Variants in FFAR4 observed in about 807,000 individuals in gnomAD.
FFAR4 encodes G-protein coupled receptor 120.
A neutral mutation model predicts 27.0 loss-of-function variants in FFAR4; 19 were observed. The observed-to-expected ratio is 0.70, with a 90% confidence interval of 0.49 to 1.03. The LOEUF (loss-of-function observed/expected upper bound fraction) is 1.03, where lower values mean the gene tolerates loss of function less well. Ranked by LOEUF, FFAR4 falls within the 50% of genes least tolerant of loss-of-function variation. The pLI is 0.00. For missense variants in FFAR4, 476 were observed against 479.0 expected (o/e 0.99, Z 0.06); for synonymous variants, 254 against 215.6 (o/e 1.18, Z -1.56).
At chr10:93,579,113 C>T (rs2058183978) in intron 2 of FFAR4, 2 of 1,581,020 alleles carry the variant, frequency 1.3e-6, no homozygotes, top group South Asian at 1.1e-5. Context: ...TCTCGAAGCA[C>T]CTTGTGTCTA....
chr10:93,579,514 ATCTCCAAT>A (rs1244591306), intron 2 of FFAR4, among the ~76,000 whole-genome samples: 9 of 152,172 alleles, frequency 5.9e-5, no homozygotes, highest in Non-Finnish European at 1.3e-4. Flanking sequence ...CTTCCCATCA[ATCTCCAAT>A]TCCTTATCCT....
chr10:93,586,342 T>C (rs1001399927), intron 2 of FFAR4, among the ~76,000 whole-genome samples: 6 of 152,166 alleles, frequency 3.9e-5, no homozygotes, highest in African/African-American at 1.4e-4. Flanking sequence ...CTTCCCCTTC[T>C]GCCATGATTG....
intron 1 of FFAR4, among the ~76,000 whole-genome samples, chr10:93,569,582 C>A (rs2058120499): frequency 1.3e-5 from 2 of 152,034 alleles, no homozygotes; most frequent in Admixed American, 1.3e-4. Context: ...GGCACACAGA[C>A]CTCCTTTGTT....
At chr10:93,572,840 G>C (rs578039679) in intron 1 of FFAR4, among the ~76,000 whole-genome samples, 1 of 152,204 alleles carries the variant, frequency 6.6e-6, no homozygotes, top group African/African-American at 2.4e-5. Flanking sequence ...GCTGAAAAGA[G>C]TAGATTGGAG....
chr10:93,567,820 C>A (rs911583521), intron 1 of FFAR4, among the ~76,000 whole-genome samples: 1 of 152,108 alleles, frequency 6.6e-6, no homozygotes, highest in Non-Finnish European at 1.5e-5. Context: ...GCTTTGAAAG[C>A]GCGCGGACAG....
intron 2 of FFAR4, among the ~76,000 whole-genome samples, chr10:93,580,015 G>C (rs895440222): frequency 6.6e-5 from 10 of 152,214 alleles, no homozygotes; most frequent in African/African-American, 2.2e-4. Flanking sequence ...AAAATCCACT[G>C]TTGCCCATTT....
chr10:93,567,159 G>A lies in FFAR4; in HGVS notation c.439G>A (p.Val147Met), dbSNP rs765695327. 10 of 1,605,086 alleles carry A rather than the reference G, an allele frequency of 6.2e-6. No individual in the cohort carries two copies. In the East Asian group the frequency reaches 1.1e-4, roughly 18 times the overall value. The change falls in exon 1 of 3, where the codon GTG becomes ATG. Residue 147 changes from valine (V) to methionine (M), a missense_variant. Val to Met is a conservative substitution (Grantham distance 21). Coordinates refer to ENST00000371481, the MANE Select transcript of FFAR4 (RefSeq NM_001195755.2). ...MVCIVHLQRGVRGPGRRARAV... is the reference protein window; with the variant it reads ...MVCIVHLQRGMRGPGRRARAV... ...GTGCATCGTGCACCTGCAGCGCGGC[G>A]TGCGGGGTCCTGGGCGGCGGGCGCG...
At chr10:93,579,345 A>T in intron 2 of FFAR4, 2 of 753,882 alleles carry the variant, frequency 2.7e-6, no homozygotes, top group Non-Finnish European at 4.5e-6. Context: ...TTGTGTCCAC[A>T]TTGGCCTTGA....
Position 93,567,252 on chromosome 10 carries a change from C to T in FFAR4, c.532C>T (p.Arg178Ter). The T allele has an allele frequency of 6.2e-7, 1 of 1,600,676 alleles. No individual in the cohort carries two copies. ...VAALPLCVFF[R>*]VVPQRLPGAD... is the part of the protein sequence containing the mutation. Reference sequence around the variant, plus strand: ...CGCTCTGCCTCTCTGCGTCTTCTTCCGAGTCGTCCCGCAACGGCTCCCCGG... The same window carrying T: ...CGCTCTGCCTCTCTGCGTCTTCTTCTGAGTCGTCCCGCAACGGCTCCCCGG... The change falls in exon 1 of 3, where the codon CGA (arginine) becomes TGA (stop). Residue 178 changes from arginine to a stop codon, truncating the protein, a stop_gained. Coordinates refer to ENST00000371481, the MANE Select transcript of FFAR4 (RefSeq NM_001195755.2). LOFTEE classifies it high-confidence loss of function.
Position 93,587,665 on chromosome 10 carries a change from A to AGAGTTCAT in FFAR4, c.*57_*64dup, listed in dbSNP as rs2058237595. 1.3e-6 allele frequency: 2 copies of AGAGTTCAT among 1,542,152 alleles called. No homozygotes were observed. The highest frequency in any genetic ancestry group is 1.8e-6 in the Non-Finnish European group (2 of 1,139,838). Reference sequence around the variant, plus strand: ...GGCGAGCTGTGGCATGCTTTTAAACAGAGTTCATTTCCAGTACCCTCCATC... The same window carrying AGAGTTCAT: ...GGCGAGCTGTGGCATGCTTTTAAACAGAGTTCATGAGTTCATTTCCAGTACCCTCCATC... On this transcript the variant is annotated 3_prime_UTR_variant, in exon 3 of 3. Transcript: ENST00000371481.
At chr10:93,582,668 G>A (rs1440562451) in intron 2 of FFAR4, among the ~76,000 whole-genome samples, 1 of 152,104 alleles carries the variant, frequency 6.6e-6, no homozygotes, top group Non-Finnish European at 1.5e-5. Context: ...GAAGACACAG[G>A]CATGCCTTGC....
At chr10:93,577,791 A>G (rs1447054434) in intron 2 of FFAR4, among the ~76,000 whole-genome samples, 1 of 152,202 alleles carries the variant, frequency 6.6e-6, no homozygotes, top group Non-Finnish European at 1.5e-5. Flanking sequence ...TAAGTAACTT[A>G]CCCAAGGTAA....
rs1564780604 is a variant in FFAR4 at position 93,567,288 on chromosome 10, G to A, written c.567+1G>A. ...GCAACGGCTCCCCGGCGCCGACCAG[G>A]TGAGCGCCCCTCTGTGTGTGCCGGG... On this transcript the variant is annotated splice_donor_variant, in intron 1 of 2. Transcript: ENST00000371481. LOFTEE classifies it high-confidence loss of function. The A allele has an allele frequency of 5.6e-6, 9 of 1,597,712 alleles. No individual in the cohort carries two copies. In the Admixed American group the frequency reaches 6.7e-5, roughly 12 times the overall value.
rs1329647801 is a variant in FFAR4, at chr10:93,567,237, C to T, written c.517C>T (p.Leu173Phe). ...WGYSAVAALP[L>F]CVFFRVVPQR... is the part of the protein sequence containing the mutation. Reference sequence around the variant, plus strand: ...CTATTCGGCGGTCGCCGCTCTGCCTCTCTGCGTCTTCTTCCGAGTCGTCCC... The same window carrying T: ...CTATTCGGCGGTCGCCGCTCTGCCTTTCTGCGTCTTCTTCCGAGTCGTCCC... The change falls in exon 1 of 3, where the codon CTC becomes TTC. Residue 173 changes from leucine (L) to phenylalanine (F), a missense_variant. Physicochemically the swap from Leu to Phe is conservative, Grantham distance 22. Coordinates refer to ENST00000371481, the MANE Select transcript of FFAR4 (RefSeq NM_001195755.2). 2.5e-6 allele frequency: 4 copies of T among 1,601,300 alleles called. No homozygotes were observed. The highest frequency in any genetic ancestry group is 2.2e-5 in the East Asian group (1 of 44,872).
chr10:93,574,245 AC>A (rs2058149171), intron 1 of FFAR4, among the ~76,000 whole-genome samples: 1 of 152,014 alleles, frequency 6.6e-6, no homozygotes, highest in South Asian at 2.1e-4. Context: ...CTATCATTAT[AC>A]CCTCCACAAA....
chr10:93,582,112 G>A (rs1046650293), intron 2 of FFAR4, among the ~76,000 whole-genome samples: 2 of 152,194 alleles, frequency 1.3e-5, no homozygotes, highest in African/African-American at 4.8e-5. Context: ...CTGGATCAAT[G>A]TTAATTATCT....
chr10:93,574,371 A>G (rs1400814795), intron 1 of FFAR4, among the ~76,000 whole-genome samples: 1 of 152,060 alleles, frequency 6.6e-6, no homozygotes, highest in African/African-American at 2.4e-5. Context: ...TCTCCCTTAA[A>G]ATTTTTCCAT....
chr10:93,568,817 T>G (rs1052128291), intron 1 of FFAR4, among the ~76,000 whole-genome samples: 36 of 152,214 alleles, frequency 2.4e-4, no homozygotes, highest in African/African-American at 8.4e-4. Context: ...GTGGGGTGTT[T>G]GTTTGTTTAT....
At chr10:93,580,213 T>A (rs2058189639) in intron 2 of FFAR4, among the ~76,000 whole-genome samples, 1 of 152,232 alleles carries the variant, frequency 6.6e-6, no homozygotes, top group Non-Finnish European at 1.5e-5. Context: ...GCTTTTTCTG[T>A]GAAGCTTGGT....
Sources: allele counts gnomAD v4.1 joint callset (sites outside exome capture counted in the v4.1 genomes callset), GRCh38; gene constraint gnomAD v4.1.1; transcripts MANE v1.5; gene names NCBI Gene and HGNC (gene_info 2026-07-23, HGNC 2026-07-21).